The following LRP5 variants were observed in gnomAD, a reference collection of about 807,000 sequenced individuals.
The protein encoded by LRP5 is LDL receptor related protein 5.
A neutral mutation model predicts 154.1 loss-of-function variants in LRP5; 62 were observed. That is an observed-to-expected ratio of 0.40 (90% CI 0.33 to 0.50). The LOEUF is 0.50. Ranked by LOEUF, LRP5 falls within the 20% of genes least tolerant of loss-of-function variation. The pLI is 0.55. For missense variants in LRP5, 1,915 were observed against 2,336.7 expected, an observed-to-expected ratio of 0.82 and a Z score of 3.72; for synonymous variants, 966 against 1,011.5, an observed-to-expected ratio of 0.96 and a Z score of 0.85.
At chr11:68,356,610 T>C (rs1259898523) in intron 2 of LRP5, among the ~76,000 whole-genome samples, 1 of 152,236 alleles carries the variant, frequency 6.6e-6, no homozygotes, top group African/African-American at 2.4e-5. Flanking sequence ...TGATGAAAGC[T>C]GGCTGACGCA....
intron 7 of LRP5, among the ~76,000 whole-genome samples, chr11:68,393,731 A>G (rs1002730362): frequency 1.3e-5 from 2 of 152,208 alleles, no homozygotes; most frequent in Non-Finnish European, 2.9e-5. Flanking sequence ...CAGTGAGCCA[A>G]GATCGCGCCA....
chr11:68,313,827 A>C (rs1485698737), intron 1 of LRP5, among the ~76,000 whole-genome samples: 3 of 152,194 alleles, frequency 2.0e-5, no homozygotes, highest in African/African-American at 7.2e-5. Flanking sequence ...GGCCTCCTTA[A>C]GGCAAACAGC....
At chr11:68,359,766 A>C (rs1206288951) in intron 3 of LRP5, among the ~76,000 whole-genome samples, 1 of 147,352 alleles carries the variant, frequency 6.8e-6, no homozygotes, top group Non-Finnish European at 1.5e-5. Flanking sequence ...TGCAGCCTTG[A>C]CCTCTTTTTT....
chr11:68,346,072 C>G (rs891730069), intron 1 of LRP5, among the ~76,000 whole-genome samples: 2 of 152,118 alleles, frequency 1.3e-5, no homozygotes, highest in Non-Finnish European at 2.9e-5. Flanking sequence ...GGATATTAAT[C>G]TCTTAGTAGA....
intron 17 of LRP5, among the ~76,000 whole-genome samples, chr11:68,433,375 G>T (rs1565110939): frequency 6.6e-6 from 1 of 152,222 alleles, no homozygotes. Context: ...ATGTCTTCTT[G>T]CAGTGAATGT....
At chr11:68,303,469 T>G in the LRP5 span, among the ~76,000 whole-genome samples, 2 of 152,204 alleles carry the variant, frequency 1.3e-5, no homozygotes, top group African/African-American at 4.8e-5. Context: ...CCAGGACATC[T>G]GGGGGAAGAC....
chr11:68,387,333 G>T (rs368890629), intron 6 of LRP5, among the ~76,000 whole-genome samples: 2,400 of 152,016 alleles, frequency 0.016, 30 homozygotes, highest in Non-Finnish European at 0.021. Flanking sequence ...CAGGCTGGTC[G>T]CAAACTCCTG....
At chr11:68,351,812 G>T (rs908922739) in intron 2 of LRP5, among the ~76,000 whole-genome samples, 2 of 152,172 alleles carry the variant, frequency 1.3e-5, no homozygotes, top group African/African-American at 4.8e-5. Flanking sequence ...AGGGGCTTCC[G>T]TCGGAGCTCA....
chr11:68,367,934 A>C (rs2098631975), intron 5 of LRP5, among the ~76,000 whole-genome samples: 1 of 152,062 alleles, frequency 6.6e-6, no homozygotes, highest in Admixed American at 6.6e-5. Flanking sequence ...CAGTAGTGGC[A>C]CGGGCCTGTA....
At chr11:68,401,125 G>T (rs183236372) in intron 7 of LRP5, among the ~76,000 whole-genome samples, 2 of 152,268 alleles carry the variant, frequency 1.3e-5, no homozygotes, top group African/African-American at 4.8e-5. Context: ...TTCATTGTAC[G>T]CCAGGGCTGG....
chr11:68,409,063 A>ATATATATAT (rs1318843298), intron 9 of LRP5, among the ~76,000 whole-genome samples: 3 of 27,006 alleles, frequency 1.1e-4, no homozygotes, highest in African/African-American at 2.8e-4. Flanking sequence ...AAAAAAAAAA[A>ATATATATAT]AAAAAAAAAA....
rs950665645 is a variant in LRP5 at position 68,426,094 on chromosome 11, A to G, written c.3544A>G (p.Lys1182Glu). 6.2e-7 allele frequency: 1 copy of G among 1,613,488 alleles called. No individual in the cohort carries two copies. The highest frequency in any genetic ancestry group is 2.2e-5 in the East Asian group (1 of 44,878). ...GCAGCAGATGATCGAGCGTGTGGAG[A>G]AGACCACCGGGGACAAGCGGACTCG... The part of the protein sequence containing the change: ...RQQQMIERVE[K>E]TTGDKRTRIQ... Residue 1182 changes from lysine (K) to glutamate (E), a missense_variant, in exon 16 of 23, where the codon AAG (lysine) becomes GAG (glutamate). Around this residue, in one of 3 missense-constraint regions of LRP5, gnomAD observed 1,094 missense variants for 1,210.1 expected, o/e 0.90. Transcript: ENST00000294304.
intron 7 of LRP5, 33 bp downstream of exon 7, chr11:68,390,085 G>A: frequency 6.2e-7 from 1 of 1,611,684 alleles, no homozygotes; most frequent in South Asian, 1.1e-5. Context: ...TGATCCAGGA[G>A]GCCAGGCCCA....
At chr11:68,331,082 C>T (rs1367843810) in intron 1 of LRP5, among the ~76,000 whole-genome samples, 1 of 152,240 alleles carries the variant, frequency 6.6e-6, no homozygotes, top group East Asian at 1.9e-4. Flanking sequence ...GTGAACTAGG[C>T]TTCCTCACCG....
At chr11:68,326,690 G>A (rs956499515) in intron 1 of LRP5, among the ~76,000 whole-genome samples, 4 of 152,252 alleles carry the variant, frequency 2.6e-5, no homozygotes, top group Non-Finnish European at 4.4e-5. Flanking sequence ...ATCGCCTCTG[G>A]GATGAGAGCA....
intron 2 of LRP5, 98 bp downstream of exon 2, chr11:68,348,341 G>T (rs2098615245): frequency 3.3e-6 from 5 of 1,509,570 alleles, no homozygotes; most frequent in Non-Finnish European, 4.5e-6. Flanking sequence ...TCAGAAAAAG[G>T]GTGTGACTCT....
chr11:68,443,693 C>T (rs12362712), intron 21 of LRP5, among the ~76,000 whole-genome samples: 21,303 of 143,704 alleles, frequency 0.15, 1,718 homozygotes, highest in Middle Eastern at 0.3. Context: ...AGTTTTGCTC[C>T]TGTTGCCCAG....
chr11:68,336,018 C>A (rs545728649), intron 1 of LRP5, among the ~76,000 whole-genome samples: 12 of 152,342 alleles, frequency 7.9e-5, no homozygotes, highest in African/African-American at 2.6e-4. Flanking sequence ...AGAGGGAAGA[C>A]TGTACGTGTA....
intron 7 of LRP5, among the ~76,000 whole-genome samples, chr11:68,399,801 G>T (rs1360069320): frequency 6.6e-6 from 1 of 152,252 alleles, no homozygotes; most frequent in East Asian, 1.9e-4. Flanking sequence ...AGTGGCTTTT[G>T]CCGATGGGTT....
Sources: allele counts gnomAD v4.1 joint callset (sites outside exome capture counted in the v4.1 genomes callset), GRCh38; gene constraint gnomAD v4.1.1; regional missense constraint gnomAD v4.1.1; transcripts MANE v1.5; gene names NCBI Gene and HGNC (gene_info 2026-07-23, HGNC 2026-07-21).